The following BRAF variants were observed in gnomAD, a reference collection of about 807,000 sequenced individuals.
BRAF encodes B-Raf proto-oncogene, serine/threonine kinase.
BRAF carries 16 observed loss-of-function variants against 104.6 expected under a neutral mutation model. The ratio of observed to expected loss-of-function variants is 0.15; its 90% CI spans 0.10 to 0.23. The LOEUF (loss-of-function observed/expected upper bound fraction) is 0.23. Among genes scored for constraint, BRAF ranks in the 10% least tolerant of loss-of-function variants. BRAF has a pLI of 1.00. For missense variants in BRAF, 541 were observed against 937.3 expected (o/e 0.58, Z 5.52); for synonymous variants, 310 against 341.6 (o/e 0.91, Z 1.02).
At chr7:140,898,181 T>C (rs1198087729) in intron 1 of BRAF, among the ~76,000 whole-genome samples, 3 of 151,914 alleles carry the variant, frequency 2.0e-5, no homozygotes, top group Non-Finnish European at 4.4e-5. Context: ...CTCAAAAGAG[T>C]GGGAGGCTTG....
intron 1 of BRAF, among the ~76,000 whole-genome samples, chr7:140,877,295 G>GC (rs1412575413): frequency 4.5e-5 from 3 of 66,476 alleles, no homozygotes; most frequent in Admixed American, 1.7e-4. Flanking sequence ...TTAAGAGATG[G>GC]GGGGGGGGGT....
chr7:140,920,772 T>C (rs1300181591), intron 1 of BRAF, among the ~76,000 whole-genome samples: 2 of 151,946 alleles, frequency 1.3e-5, no homozygotes, highest in African/African-American at 4.8e-5. Context: ...GTTCAGTAAA[T>C]AAGGAGAGAG....
At chr7:140,715,937 A>G (rs1306518352), downstream of BRAF, among the ~76,000 whole-genome samples, 2 of 152,224 alleles carry the variant, frequency 1.3e-5, no homozygotes, top group South Asian at 2.1e-4. Flanking sequence ...CATACCTGAG[A>G]TTCAGATCCT....
intron 3 of BRAF, chr7:140,823,395 C>T (rs2129055678): frequency 6.6e-6 from 1 of 152,248 alleles, no homozygotes; most frequent in African/African-American, 2.4e-5. Flanking sequence ...CTAGGTACTT[C>T]AATAAGTGGA....
In BRAF at chr7:140,724,019, T is replaced by C; in HGVS notation, c.*2475A>G. 3 of 1,044,338 alleles carry C rather than the reference T, an allele frequency of 2.9e-6. No individual in the cohort carries two copies. The highest frequency in any genetic ancestry group is 3.5e-6 in the Non-Finnish European group (3 of 866,020). The allele number at this position is 1,044,338 out of a possible 1,614,324, so 64.7% of individuals were successfully genotyped here. Reference sequence around the variant, plus strand: ...GGTTTAAATATTTTATTTTTTAAGGTATCTATAAAAATCTCAATATGCTAA... The same window carrying C: ...GGTTTAAATATTTTATTTTTTAAGGCATCTATAAAAATCTCAATATGCTAA... On this transcript the variant is annotated 3_prime_UTR_variant, in exon 20 of 20. Transcript: ENST00000644969.
chr7:140,869,881 A>G (rs925186377), intron 1 of BRAF, among the ~76,000 whole-genome samples: 1 of 152,230 alleles, frequency 6.6e-6, no homozygotes, highest in Non-Finnish European at 1.5e-5. Context: ...TATTAAGTGT[A>G]TAAATAAAAG....
intron 3 of BRAF, among the ~76,000 whole-genome samples, chr7:140,814,186 T>A (rs755103767): frequency 2.0e-5 from 3 of 152,142 alleles, no homozygotes; most frequent in Non-Finnish European, 4.4e-5. Flanking sequence ...TAAAAAAGCA[T>A]CCTATCTTAA....
intron 1 of BRAF, among the ~76,000 whole-genome samples, chr7:140,889,425 T>A (rs939259309): frequency 2.6e-5 from 4 of 152,188 alleles, no homozygotes; most frequent in Admixed American, 2.6e-4. Flanking sequence ...GTTCATATTT[T>A]TTAAAATATT....
chr7:140,834,986 A>C (rs538271912), intron 2 of BRAF, 114 bp from the exon 3 acceptor site: 115 of 1,201,044 alleles, frequency 9.6e-5, no homozygotes, highest in Non-Finnish European at 1.2e-4. Flanking sequence ...TAGGGTTTTA[A>C]GTTTCAAATT....
In BRAF at chr7:140,725,562, G is replaced by T; in HGVS notation, c.*932C>A. The T allele has an allele frequency of 9.5e-7, 1 of 1,051,724 alleles. No individual in the cohort carries two copies. Among genetic ancestry groups the T allele is most frequent in the Non-Finnish European group, 1.1e-6 (1 of 870,022 alleles). 65.1% of individuals were successfully genotyped at this position (1,051,724 alleles called of 1,614,324 possible). A position where few individuals can be genotyped will look rare whatever the true frequency, so the allele number is the denominator to read the frequency against. ...TCACATTCAAAACTGTTATTAAGCA[G>T]TTTTGTGGGGGTTTAGTTAGATACT... On this transcript the variant is annotated 3_prime_UTR_variant, in exon 20 of 20. Transcript: ENST00000644969.
Position 140,846,085 on chromosome 7 carries a change from AC to A in BRAF, c.240+4025del, listed in dbSNP as rs759502211. On this transcript the variant is annotated intron_variant, in intron 2 of 19. Coordinates refer to ENST00000644969, the MANE Select transcript of BRAF (RefSeq NM_001374258.1). ...AGGAATATAAAACAGGGCAGGTGCTACAGAAAAAGGTGTGGCAACTCCAGAA... is the reference window on the plus strand; with the variant it reads ...AGGAATATAAAACAGGGCAGGTGCTAAGAAAAAGGTGTGGCAACTCCAGAA... Among the ~76,000 whole-genome samples, 122 of 152,302 alleles carry A rather than the reference AC, an allele frequency of 8.0e-4. 1 individual carries two copies. The highest frequency in any genetic ancestry group is 5.2e-4 in the Admixed American group (8 of 15,298).
chr7:140,722,504 T>G lies in BRAF; in HGVS notation c.*3990A>C. On this transcript the variant is annotated 3_prime_UTR_variant, in exon 20 of 20. Coordinates refer to ENST00000644969, the MANE Select transcript of BRAF (RefSeq NM_001374258.1). Reference sequence around the variant, plus strand: ...ACCTACACCATTTCAACTCATGACCTGTAAGCTATTTGCTGTTCATACTCA... The same window carrying G: ...ACCTACACCATTTCAACTCATGACCGGTAAGCTATTTGCTGTTCATACTCA... 1 of 1,056,370 alleles carries G rather than the reference T, an allele frequency of 9.5e-7. No individual in the cohort carries two copies. Among genetic ancestry groups the G allele is most frequent in the African/African-American group, 1.6e-5 (1 of 60,730 alleles). 65.4% of individuals were successfully genotyped at this position (1,056,370 alleles called of 1,614,324 possible).
At chr7:140,847,910 T>C (rs1446266891) in intron 2 of BRAF, among the ~76,000 whole-genome samples, 26 of 152,144 alleles carry the variant, frequency 1.7e-4, no homozygotes, top group Admixed American at 1.6e-3. Context: ...TGTATATGCA[T>C]ACCTTTGCAT....
At chr7:140,857,797 A>C (rs1809967832) in intron 1 of BRAF, among the ~76,000 whole-genome samples, 1 of 152,124 alleles carries the variant, frequency 6.6e-6, no homozygotes, top group Non-Finnish European at 1.5e-5. Context: ...AAATTTGGAG[A>C]TTTTCAGCAA....
At chr7:140,875,503 G>A (rs1812131080) in intron 1 of BRAF, among the ~76,000 whole-genome samples, 1 of 152,174 alleles carries the variant, frequency 6.6e-6, no homozygotes, top group Non-Finnish European at 1.5e-5. Context: ...AGCCTTCCTA[G>A]AAGCTGGGAT....
chr7:140,785,121 C>CT (rs559187183), intron 10 of BRAF, among the ~76,000 whole-genome samples: 52 of 151,538 alleles, frequency 3.4e-4, no homozygotes, highest in African/African-American at 1.0e-3. Context: ...TTTTTTTTGT[C>CT]TTTTTTAACA....
At chr7:140,816,265 G>A (rs1260096521) in intron 3 of BRAF, among the ~76,000 whole-genome samples, 1 of 152,104 alleles carries the variant, frequency 6.6e-6, no homozygotes, top group African/African-American at 2.4e-5. Context: ...TATTATTCCT[G>A]TCTACACAGA....
intron 2 of BRAF, 153 bp from the exon 3 acceptor site, chr7:140,835,025 T>C (rs1483706942): frequency 1.3e-6 from 1 of 780,172 alleles, no homozygotes; most frequent in Non-Finnish European, 2.1e-6. Context: ...ATACTATAAA[T>C]GAATACTTTC....
At chr7:140,809,194 A>G (rs1310185456) in intron 3 of BRAF, among the ~76,000 whole-genome samples, 199 bp from the exon 4 acceptor site, 3 of 152,232 alleles carry the variant, frequency 2.0e-5, no homozygotes, top group Non-Finnish European at 4.4e-5. Context: ...CTTAAATCAA[A>G]GCAAAGTTAA....
Sources: allele counts gnomAD v4.1 joint callset (sites outside exome capture counted in the v4.1 genomes callset), GRCh38; gene constraint gnomAD v4.1.1; transcripts MANE v1.5; gene names NCBI Gene and HGNC (gene_info 2026-07-23, HGNC 2026-07-21).